CAMSAP1: variants seen among roughly 807,000 people sequenced by gnomAD.
CAMSAP1 encodes calmodulin regulated spectrin associated protein 1.
CAMSAP1 carries 58 observed loss-of-function variants against 143.5 expected under a neutral mutation model. That is an observed-to-expected ratio of 0.40 (90% CI 0.33 to 0.50). The LOEUF is 0.50. CAMSAP1 is among the 20% of genes least tolerant of loss of function. CAMSAP1 has a pLI of 0.45. For missense variants in CAMSAP1, 1,969 were observed against 2,115.7 expected, an observed-to-expected ratio of 0.93 and a Z score of 1.36; for synonymous variants, 945 against 859.3, an observed-to-expected ratio of 1.10 and a Z score of -1.74.
Position 135,822,553 on chromosome 9 carries a change from T to C in CAMSAP1, c.2108A>G (p.His703Arg). 6.2e-7 allele frequency: 1 copy of C among 1,613,746 alleles called. No individual in the cohort carries two copies. The highest frequency in any genetic ancestry group is 1.1e-5 in the South Asian group (1 of 91,068). Reference sequence around the variant, plus strand: ...GGTGTCTTCATCGGCCCTGCCTACATGAAGGAAGAAGCCATCCGTGGATGG... The same window carrying C: ...GGTGTCTTCATCGGCCCTGCCTACACGAAGGAAGAAGCCATCCGTGGATGG... Reference protein sequence around the residue: ...QGPSTDGFFLHVGRADEDTEG... With the variant: ...QGPSTDGFFLRVGRADEDTEG... Residue 703 changes from histidine (H) to arginine (R), a missense_variant, in exon 11 of 17, where the codon CAT becomes CGT. Physicochemically the swap from His to Arg is conservative, Grantham distance 29 (BLOSUM62 0). Around this residue, in one of 4 missense-constraint regions of CAMSAP1, gnomAD observed 1,390 missense variants for 1,420.8 expected, o/e 0.98. Coordinates refer to ENST00000389532, the MANE Select transcript of CAMSAP1 (RefSeq NM_015447.4). The surrounding 1 kb of genome is among the most constrained non-coding windows in gnomAD (Gnocchi z 6.1).
chr9:135,831,520 A>G (rs867089431), intron 7 of CAMSAP1, among the ~76,000 whole-genome samples: 1 of 152,030 alleles, frequency 6.6e-6, no homozygotes, highest in Non-Finnish European at 1.5e-5. Flanking sequence ...CAACACTTCC[A>G]TTAACGAAGA....
chr9:135,822,968 G>T lies in CAMSAP1; in HGVS notation c.1693C>A (p.Arg565=). The T allele has an allele frequency of 6.2e-7, 1 of 1,614,018 alleles. No homozygotes were observed. The highest frequency in any genetic ancestry group is 8.5e-7 in the Non-Finnish European group (1 of 1,179,902). ...ADPEFPRASP[R]ALGLTANARS... The stretch of plus-strand genomic sequence containing the variant: ...GCATTTGCTGTAAGGCCTAAGGCCC[G>T]GGGTGAGGCCCTGGGGAACTCCGGG... The change falls in exon 11 of 17, where the codon CGG becomes AGG. Residue 565 remains arginine (R), a synonymous_variant. Coordinates refer to ENST00000389532, the MANE Select transcript of CAMSAP1 (RefSeq NM_015447.4). This position sits in a 1 kb window ranked among gnomAD's most constrained non-coding sequence, Gnocchi z 6.1.
chr9:135,881,668 C>T lies in CAMSAP1; in HGVS notation c.550G>A (p.Asp184Asn), dbSNP rs1837955245. 11 of 1,551,718 alleles carry T rather than the reference C, an allele frequency of 7.1e-6. No individual in the cohort carries two copies. Among genetic ancestry groups the T allele is most frequent in the Non-Finnish European group, 9.6e-6 (11 of 1,147,004 alleles). Residue 184 changes from aspartate to asparagine, a missense_variant, in exon 3 of 17, where the codon GAC (aspartate) becomes AAC (asparagine). Physicochemically the swap from Asp to Asn is conservative, Grantham distance 23 (BLOSUM62 1). Coordinates refer to ENST00000389532, the MANE Select transcript of CAMSAP1 (RefSeq NM_015447.4). Reference sequence around the variant, plus strand: ...CAGAACACCATGGCATCCTCGAGGTCGTACGGAAGTTCTTTCGAGGCACTG... The same window carrying T: ...CAGAACACCATGGCATCCTCGAGGTTGTACGGAAGTTCTTTCGAGGCACTG... ...TFSASKELPYDLEDAMVFWIN... is the reference protein window; with the variant it reads ...TFSASKELPYNLEDAMVFWIN...
chr9:135,842,355 A>G, intron 7 of CAMSAP1, among the ~76,000 whole-genome samples: 1 of 152,260 alleles, frequency 6.6e-6, no homozygotes, highest in East Asian at 1.9e-4. Flanking sequence ...CTATGTGAAA[A>G]GCCCAAACCT....
intron 7 of CAMSAP1, among the ~76,000 whole-genome samples, chr9:135,839,728 C>T (rs1164491832): frequency 6.6e-6 from 1 of 152,162 alleles, no homozygotes; most frequent in Non-Finnish European, 1.5e-5. Context: ...ACCGAGCCTG[C>T]ACAGGAGCAG....
chr9:135,862,838 C>T (rs1004049098), intron 4 of CAMSAP1, among the ~76,000 whole-genome samples: 21 of 152,152 alleles, frequency 1.4e-4, no homozygotes, highest in African/African-American at 5.1e-4. Context: ...GTAACAGCAA[C>T]TACTTGCTAG....
At chr9:135,841,236 A>G (rs759854996) in intron 7 of CAMSAP1, among the ~76,000 whole-genome samples, 7 of 152,152 alleles carry the variant, frequency 4.6e-5, no homozygotes, top group Admixed American at 6.5e-5. Context: ...GCCGCCAGGA[A>G]GTTTAAACTG....
chr9:135,881,513 T>C, intron 3 of CAMSAP1, 120 bp downstream of exon 3: 2 of 1,161,520 alleles, frequency 1.7e-6, no homozygotes, highest in South Asian at 1.5e-5. Flanking sequence ...ACACAAAATA[T>C]GACTGGTCCC....
In CAMSAP1 at chr9:135,821,424, G is replaced by C. The variant is rs202091152; in HGVS notation, c.3237C>G (p.Leu1079=). The part of the protein sequence containing the change: ...VKAPVHFVEP[L]SPTGVAGHRK... The stretch of plus-strand genomic sequence containing the variant: ...GGTGGCCAGCCACGCCCGTGGGAGA[G>C]AGTGGCTCCACGAAGTGGACTGGTG... Residue 1079 remains leucine (L), a synonymous_variant, in exon 11 of 17, where the codon CTC becomes CTG. Transcript: ENST00000389532. This position sits in a 1 kb window ranked among gnomAD's most constrained non-coding sequence, Gnocchi z 4.6. 3.1e-6 allele frequency: 5 copies of C among 1,613,942 alleles called. No individual in the cohort carries two copies. In the South Asian group the frequency reaches 3.3e-5, roughly 11 times the overall value.
intron 16 of CAMSAP1, among the ~76,000 whole-genome samples, chr9:135,814,691 CCT>C (rs1447029596): frequency 2.0e-5 from 3 of 152,250 alleles, no homozygotes; most frequent in African/African-American, 7.2e-5. Context: ...AGCCCTGGCC[CCT>C]GTTCCTCATT....
intron 1 of CAMSAP1, among the ~76,000 whole-genome samples, chr9:135,887,449 G>A (rs982978452): frequency 6.6e-6 from 1 of 152,222 alleles, no homozygotes; most frequent in African/African-American, 2.4e-5. Context: ...TCTGCTCTGA[G>A]GGGAAAGTGT....
chr9:135,824,663 C>CA lies in CAMSAP1; in HGVS notation c.1315+125dup. 2.6e-6 allele frequency: 2 copies of CA among 773,260 alleles called. No homozygotes were observed. The highest frequency in any genetic ancestry group is 4.0e-6 in the Non-Finnish European group (2 of 502,058). The allele number at this position is 773,260 out of a possible 1,614,324, so 47.9% of individuals were successfully genotyped here. ...CTGGTGACAGAGCAAGACTCCATCT[C>CA]AAAAAACAAACAAACAAACAAAAAA... is the stretch of plus-strand genomic sequence containing the variant. On this transcript the variant is annotated intron_variant, in intron 9 of 16. Transcript: ENST00000389532. The surrounding 1 kb of genome is among the most constrained non-coding windows in gnomAD (Gnocchi z 4.1).
In CAMSAP1 at chr9:135,809,165, C is replaced by T. The variant is rs759429831; in HGVS notation, c.*2144G>A. 1.3e-5 allele frequency: 2 copies of T among 152,198 alleles called. No homozygotes were observed. The highest frequency in any genetic ancestry group is 2.9e-5 in the Non-Finnish European group (2 of 68,042). 9.4% of individuals were successfully genotyped at this position (152,198 alleles called of 1,614,324 possible). On this transcript the variant is annotated 3_prime_UTR_variant, in exon 17 of 17. Transcript: ENST00000389532. ...ACGAAAATTAATCCTGTGTCTGAAACTTTTCAAGACTAATTAAAAGGGTTG... is the reference window on the plus strand; with the variant it reads ...ACGAAAATTAATCCTGTGTCTGAAATTTTTCAAGACTAATTAAAAGGGTTG...
intron 14 of CAMSAP1, among the ~76,000 whole-genome samples, chr9:135,816,638 C>G (rs1030155747): frequency 6.6e-6 from 1 of 152,208 alleles, no homozygotes; most frequent in African/African-American, 2.4e-5. Context: ...CAAACAGAAT[C>G]TGCAGTCCCT....
chr9:135,837,969 A>G (rs1460564110), intron 7 of CAMSAP1, among the ~76,000 whole-genome samples: 9 of 150,316 alleles, frequency 6.0e-5, no homozygotes, highest in Non-Finnish European at 3.0e-5. Context: ...CCCCTTCTAC[A>G]GACACACATC....
intron 3 of CAMSAP1, among the ~76,000 whole-genome samples, chr9:135,877,304 C>T (rs758282484): frequency 1.3e-5 from 2 of 151,870 alleles, no homozygotes; most frequent in Admixed American, 6.6e-5. Flanking sequence ...ACTAATCCAC[C>T]GTGAAGATGG....
intron 7 of CAMSAP1, among the ~76,000 whole-genome samples, chr9:135,833,053 AAAGACCCAAAATAGCCACAGT>A (rs1835903654): frequency 1.3e-5 from 2 of 152,042 alleles, no homozygotes; most frequent in East Asian, 3.9e-4. Context: ...TGGAACCACA[AAAGACCCAAAATAGCCACAGT>A]AATCTTTTTT....
intron 16 of CAMSAP1, among the ~76,000 whole-genome samples, chr9:135,813,575 A>G (rs1835127103): frequency 6.6e-6 from 1 of 152,214 alleles, no homozygotes; most frequent in South Asian, 2.1e-4. Flanking sequence ...TGCTGCCTGC[A>G]CGATAAGGAA....
chr9:135,895,825 T>C (rs1327271913), intron 1 of CAMSAP1, among the ~76,000 whole-genome samples: 2 of 152,216 alleles, frequency 1.3e-5, no homozygotes, highest in African/African-American at 2.4e-5. Context: ...ATCAGTAAAC[T>C]GTTGTAAGTC....
Sources: allele counts gnomAD v4.1 joint callset (sites outside exome capture counted in the v4.1 genomes callset), GRCh38; gene constraint gnomAD v4.1.1; regional missense constraint gnomAD v4.1.1; non-coding constraint Gnocchi (gnomAD v3.1); transcripts MANE v1.5; gene names NCBI Gene and HGNC (gene_info 2026-07-23, HGNC 2026-07-21).